The following C1QTNF1 variants were observed in gnomAD, a reference collection of about 807,000 sequenced individuals.
The protein encoded by C1QTNF1 is complement C1q tumor necrosis factor-related protein 1.
A neutral mutation model predicts 27.8 loss-of-function variants in C1QTNF1; 22 were observed. That is an observed-to-expected ratio of 0.79 (90% CI 0.56 to 1.13). The LOEUF is 1.13. Among genes scored for constraint, C1QTNF1 ranks in the 50% most tolerant of loss-of-function variants. The pLI is 0.00. For missense variants in C1QTNF1, 373 were observed against 380.2 expected (o/e 0.98, Z 0.16); for synonymous variants, 166 against 154.3 (o/e 1.08, Z -0.56).
rs11769 is a variant in C1QTNF1 at position 79,049,319 on chromosome 17, G to A, written c.*1231G>A. ...AGACCAGAGTCAAGAGGAAGTACAC[G>A]TCCCAATCACCCGTGTCAGGATTCA... On this transcript the variant is annotated 3_prime_UTR_variant, in exon 4 of 4. Transcript: ENST00000579760. This position sits in a 1 kb window ranked among gnomAD's most constrained non-coding sequence, Gnocchi z 4.4. 0.29 allele frequency: 43,920 copies of A among 152,214 alleles called. 6,784 individuals carry two copies. The highest frequency in any genetic ancestry group is 0.58 in the East Asian group (3,004 of 5,152). The allele number at this position is 152,214 out of a possible 1,614,324, so 9.4% of individuals were successfully genotyped here. A position where few individuals can be genotyped will look rare whatever the true frequency, so the allele number is the denominator to read the frequency against.
At chr17:79,039,818 T>G (rs528463185) in intron 1 of C1QTNF1, among the ~76,000 whole-genome samples, 10 of 151,532 alleles carry the variant, frequency 6.6e-5, no homozygotes, top group Non-Finnish European at 1.5e-4. Flanking sequence ...TATATGTAAA[T>G]ATGTATATAT....
intron 1 of C1QTNF1, chr17:79,043,190 AGT>A (rs539143143): frequency 1.1e-4 from 49 of 442,234 alleles, no homozygotes; most frequent in South Asian, 5.3e-4. Context: ...TGCATGTAAA[AGT>A]GTGCATGTGT....
chr17:79,042,143 G>A (rs1346291262), intron 1 of C1QTNF1, among the ~76,000 whole-genome samples: 2 of 152,182 alleles, frequency 1.3e-5, no homozygotes, highest in Non-Finnish European at 2.9e-5. Flanking sequence ...GCGACATTTC[G>A]AGTTTTACAT....
At chr17:79,036,682 G>A (rs994871801) in intron 1 of C1QTNF1, among the ~76,000 whole-genome samples, 14 of 152,308 alleles carry the variant, frequency 9.2e-5, no homozygotes, top group Admixed American at 5.9e-4. Flanking sequence ...TTGGGTACGT[G>A]TCTGTTTCCT....
In C1QTNF1 at chr17:79,047,941, C is replaced by T; in HGVS notation, c.699C>T (p.Ser233=). The change falls in exon 4 of 4, where the codon AGC becomes AGT. Residue 233 remains serine (S), a synonymous_variant. Transcript: ENST00000579760. ...TGGGCGACCGCAGCATCATGCAAAG[C>T]CAGAGCCTGATGCTGGAGCTGCGAG... ...AQVGDRSIMQ[S]QSLMLELREQ... is the part of the protein sequence containing the mutation. 6.2e-7 allele frequency: 1 copy of T among 1,614,052 alleles called. No individual in the cohort carries two copies. The highest frequency in any genetic ancestry group is 2.2e-5 in the East Asian group (1 of 44,880).
chr17:79,045,186 AGAAGGAGGGGAAAG>A (rs2072535924), intron 2 of C1QTNF1, among the ~76,000 whole-genome samples: 2 of 152,188 alleles, frequency 1.3e-5, no homozygotes, highest in African/African-American at 4.8e-5. Context: ...TCCCAGGTGC[AGAAGGAGGGGAAAG>A]CTACCTGGTA....
At chr17:79,030,485 T>TTTTCTTTCTTTCTTTCTTTCTTTCTTTC (rs199746385) in intron 1 of C1QTNF1, among the ~76,000 whole-genome samples, 16 of 121,866 alleles carry the variant, frequency 1.3e-4, no homozygotes, top group East Asian at 4.4e-4. Flanking sequence ...CTTTCTTTCT[T>TTTTCTTTCTTTCTTTCTTTCTTTCTTTC]TTTCTTTCTT....
Position 79,044,066 on chromosome 17 carries a change from A to T in C1QTNF1, c.98A>T (p.Glu33Val). 11 of 1,613,696 alleles carry T rather than the reference A, an allele frequency of 6.8e-6. No individual in the cohort carries two copies. Among genetic ancestry groups the T allele is most frequent in the Non-Finnish European group, 9.3e-6 (11 of 1,179,838 alleles). The change falls in exon 2 of 4, where the codon GAA becomes GTA. Residue 33 changes from glutamate (E) to valine (V), a missense_variant. Transcript: ENST00000579760. Reference protein sequence around the residue: ...VLSRVPHVQGEQQEWEGTEEL... With the variant: ...VLSRVPHVQGVQQEWEGTEEL... ...AGTCGTGTGCCCCATGTCCAGGGGG[A>T]ACAGCAGGAGTGGGAGGGGACTGAG...
rs766930641 is a variant in C1QTNF1 at position 79,047,987 on chromosome 17, C to T, written c.745C>T (p.Arg249Cys). The change falls in exon 4 of 4, where the codon CGC (arginine) becomes TGC (cysteine). Residue 249 changes from arginine to cysteine, a missense_variant. Coordinates refer to ENST00000579760, the MANE Select transcript of C1QTNF1 (RefSeq NM_030968.5). The stretch of plus-strand genomic sequence containing the variant: ...GCGAGAGCAGGACCAGGTGTGGGTA[C>T]GCCTCTACAAGGGCGAACGTGAGAA... The part of the protein sequence containing the change: ...ELREQDQVWV[R>C]LYKGERENAI... 9.3e-6 allele frequency: 15 copies of T among 1,613,050 alleles called. No homozygotes were observed. In the East Asian group the frequency reaches 1.6e-4, roughly 17 times the overall value.
intron 1 of C1QTNF1, chr17:79,027,764 G>A (rs1475004564): frequency 6.6e-6 from 1 of 152,330 alleles, no homozygotes; most frequent in Non-Finnish European, 1.5e-5. Flanking sequence ...ACTTGTGCTG[G>A]GGTGATATGA....
intron 1 of C1QTNF1, among the ~76,000 whole-genome samples, chr17:79,030,094 C>T (rs1037784403): frequency 6.6e-6 from 1 of 152,044 alleles, no homozygotes; most frequent in Non-Finnish European, 1.5e-5. Context: ...TGCATCTAGT[C>T]GAGTTTCCTG....
At chr17:79,024,879 A>G (rs2071888566) in intron 1 of C1QTNF1, 1 of 152,098 alleles carries the variant, frequency 6.6e-6, no homozygotes, top group African/African-American at 2.4e-5. Context: ...AAGGAAGAGG[A>G]ATGGTACTAA....
chr17:79,043,979 G>T lies in C1QTNF1; in HGVS notation c.11G>T (p.Arg4Leu). The change falls in exon 2 of 4, where the codon CGT becomes CTT. Residue 4 changes from arginine (R) to leucine (L), a missense_variant. By Grantham distance (102) the Arg-to-Leu change is moderately radical (BLOSUM62 -2). Transcript: ENST00000579760. Reference protein sequence around the residue: MGSRGQGLLLAYCL... With the variant: MGSLGQGLLLAYCL... Reference sequence around the variant, plus strand: ...GGGCCCGGCAGGAAGATGGGCTCCCGTGGACAGGGACTCTTGCTGGCGTAC... The same window carrying T: ...GGGCCCGGCAGGAAGATGGGCTCCCTTGGACAGGGACTCTTGCTGGCGTAC... 1 of 1,614,058 alleles carries T rather than the reference G, an allele frequency of 6.2e-7. No individual in the cohort carries two copies. The highest frequency in any genetic ancestry group is 8.5e-7 in the Non-Finnish European group (1 of 1,180,020).
At chr17:79,042,486 TG>T (rs886174600) in intron 1 of C1QTNF1, among the ~76,000 whole-genome samples, 1 of 152,202 alleles carries the variant, frequency 6.6e-6, no homozygotes, top group African/African-American at 2.4e-5. Context: ...GACTGCTCTG[TG>T]GGGCTGGGCT....
chr17:79,045,752 T>G (rs1465560327), intron 2 of C1QTNF1, among the ~76,000 whole-genome samples: 1 of 152,178 alleles, frequency 6.6e-6, no homozygotes, highest in African/African-American at 2.4e-5. Context: ...TGGGGCCTGT[T>G]GCATCTCCAG....
intron 1 of C1QTNF1, among the ~76,000 whole-genome samples, chr17:79,039,954 A>G (rs970160988): frequency 5.9e-5 from 9 of 152,218 alleles, no homozygotes; most frequent in Non-Finnish European, 1.0e-4. Context: ...AGGAAAAAAC[A>G]GAATAATTAT....
intron 1 of C1QTNF1, among the ~76,000 whole-genome samples, chr17:79,040,537 G>T (rs909393006): frequency 6.6e-6 from 1 of 151,976 alleles, no homozygotes; most frequent in African/African-American, 2.4e-5. Context: ...AAGACAAGGC[G>T]GGCAGGATTT....
At chr17:79,030,517 C>CTTTCT (rs1555670030) in intron 1 of C1QTNF1, among the ~76,000 whole-genome samples, 1,745 of 104,840 alleles carry the variant, frequency 0.017, 16 homozygotes, top group Non-Finnish European at 0.024. Flanking sequence ...TTCTTTCTTT[C>CTTTCT]TTTCTTTCTT....
chr17:79,035,508 G>A (rs1452991359), intron 1 of C1QTNF1, among the ~76,000 whole-genome samples: 1 of 151,376 alleles, frequency 6.6e-6, no homozygotes, highest in Admixed American at 6.6e-5. Flanking sequence ...TCAGCTCACT[G>A]CAACCTCTGC....
Sources: allele counts gnomAD v4.1 joint callset (sites outside exome capture counted in the v4.1 genomes callset), GRCh38; gene constraint gnomAD v4.1.1; non-coding constraint Gnocchi (gnomAD v3.1); transcripts MANE v1.5; gene names NCBI Gene and HGNC (gene_info 2026-07-23, HGNC 2026-07-21).